DIP2C: variants seen among roughly 807,000 people sequenced by gnomAD.
The protein encoded by DIP2C is DIP2 acetate--CoA ligase C (putative), also known as disco-interacting protein 2 homolog C.
DIP2C carries 33 observed loss-of-function variants against 192.4 expected under a neutral mutation model. That is an observed-to-expected ratio of 0.17 (90% confidence interval 0.13 to 0.23). The LOEUF is 0.23. Ranked by LOEUF, DIP2C falls within the 10% of genes least tolerant of loss-of-function variation. The pLI is 1.00. For synonymous variants in DIP2C, 979 were observed against 864.1 expected, an observed-to-expected ratio of 1.13 and a Z score of -2.33; for missense variants, 1,537 against 2,110.1, an observed-to-expected ratio of 0.73 and a Z score of 5.32.
chr10:366,326 C>A lies in DIP2C; in HGVS notation c.2217G>T (p.Ala739=). Residue 739 remains alanine (A), a synonymous_variant, in exon 19 of 37, where the codon GCG becomes GCT. Transcript: ENST00000280886. ...AGAGGCCATAGTAGGACGTGCCCGTCGCAACTGCACACACACACAGCTCCC... is the reference window on the plus strand; with the variant it reads ...AGAGGCCATAGTAGGACGTGCCCGTAGCAACTGCACACACACACAGCTCCC... The part of the protein sequence containing the change: ...EIGELCVCAV[A]TGTSYYGLSG... 7 of 1,614,064 alleles carry A rather than the reference C, an allele frequency of 4.3e-6. No individual in the cohort carries two copies. The highest frequency in any genetic ancestry group is 5.9e-6 in the Non-Finnish European group (7 of 1,179,986).
rs559192148 is a variant in DIP2C at position 371,300 on chromosome 10, G to A, written c.1992-1667C>T. ...TGGGTTGAATCGTGTCCCCGCAAAA[G>A]ATCACCCCTTGTATCTGTGAGCTTA... On this transcript the variant is annotated intron_variant, in intron 17 of 36. Transcript: ENST00000280886. Among the ~76,000 whole-genome samples, 2 of 152,134 alleles carry A rather than the reference G, an allele frequency of 1.3e-5. 1 individual carries two copies. The highest frequency in any genetic ancestry group is 4.1e-4 in the South Asian group (2 of 4,822).
At chr10:417,289 C>A (rs1391904090) in intron 6 of DIP2C, among the ~76,000 whole-genome samples, 1 of 152,154 alleles carries the variant, frequency 6.6e-6, no homozygotes, top group Non-Finnish European at 1.5e-5. Flanking sequence ...CTGTGGGATT[C>A]TGGTGTGGGA....
intron 1 of DIP2C, among the ~76,000 whole-genome samples, chr10:600,189 G>C (rs892325062): frequency 6.6e-6 from 1 of 152,150 alleles, no homozygotes; most frequent in African/African-American, 2.4e-5. Context: ...ATTTGGTTAC[G>C]ACCGGCAGAG....
At chr10:541,297 T>A (rs1322460291) in intron 1 of DIP2C, among the ~76,000 whole-genome samples, 1 of 152,024 alleles carries the variant, frequency 6.6e-6, no homozygotes, top group Non-Finnish European at 1.5e-5. Flanking sequence ...AGTGCACAGG[T>A]TAAATGTCAA....
intron 22 of DIP2C, among the ~76,000 whole-genome samples, chr10:361,839 CCAACAGAAGGCCACG>C (rs1959556766): frequency 6.6e-6 from 1 of 152,108 alleles, no homozygotes; most frequent in Admixed American, 6.6e-5. Context: ...TGAGCGGCTC[CCAACAGAAGGCCACG>C]CACCCACAGA....
At chr10:388,472 A>C (rs2132933914) in intron 13 of DIP2C, among the ~76,000 whole-genome samples, 1 of 152,302 alleles carries the variant, frequency 6.6e-6, no homozygotes, top group South Asian at 2.1e-4. Context: ...TCCCCTTCCA[A>C]AGGCTAAAGT....
chr10:479,914 C>CG (rs1843464802), intron 2 of DIP2C, among the ~76,000 whole-genome samples: 1 of 150,540 alleles, frequency 6.6e-6, no homozygotes, highest in Admixed American at 6.6e-5. Flanking sequence ...GCCTGAGCTC[C>CG]GGTCCATGCT....
chr10:507,809 A>G (rs1845725498), intron 1 of DIP2C, among the ~76,000 whole-genome samples: 1 of 152,208 alleles, frequency 6.6e-6, no homozygotes, highest in African/African-American at 2.4e-5. Flanking sequence ...CCTGAGCACA[A>G]TCAGAGGCTG....
intron 9 of DIP2C, among the ~76,000 whole-genome samples, chr10:405,511 A>C (rs1964739306): frequency 6.6e-6 from 1 of 152,210 alleles, no homozygotes; most frequent in Non-Finnish European, 1.5e-5. Context: ...ATTTTTTTGC[A>C]ATTTGTTTTA....
chr10:348,844 T>C, intron 25 of DIP2C, 82 bp from the exon 26 acceptor site: 1 of 1,563,488 alleles, frequency 6.4e-7, no homozygotes, highest in Non-Finnish European at 8.6e-7. Flanking sequence ...AATGCTTGTC[T>C]GGGGCAAGTT....
chr10:426,691 A>C lies in DIP2C; in HGVS notation c.395-3658T>G, dbSNP rs374520381. 5.4e-4 allele frequency among the ~76,000 whole-genome samples: 83 copies of C among 152,356 alleles called. 1 individual carries two copies. In the South Asian group the frequency reaches 0.017, roughly 30 times the overall value. ...GGAACAGAATTAAACCCAGAAATAA[A>C]GTCTTATATTTACGGTCAATTTATT... On this transcript the variant is annotated intron_variant, in intron 4 of 36. Transcript: ENST00000280886.
chr10:303,305 C>T (rs989105928), intron 32 of DIP2C, among the ~76,000 whole-genome samples: 20 of 152,278 alleles, frequency 1.3e-4, no homozygotes, highest in African/African-American at 4.3e-4. Context: ...CATCACCGCA[C>T]GTGGCTGTAG....
At chr10:425,517 AGAT>A (rs1333797388) in intron 4 of DIP2C, among the ~76,000 whole-genome samples, 4 of 130,080 alleles carry the variant, frequency 3.1e-5, no homozygotes, top group South Asian at 2.4e-4. Flanking sequence ...AATATGACAC[AGAT>A]GATACAGCAT....
intron 1 of DIP2C, chr10:668,422 C>G (rs532080511): frequency 6.6e-6 from 1 of 152,064 alleles, no homozygotes; most frequent in South Asian, 2.1e-4. Context: ...AACATACAAC[C>G]CATACAACAT....
At chr10:419,040 A>T in intron 6 of DIP2C, 25 bp downstream of exon 6, 1 of 1,614,152 alleles carries the variant, frequency 6.2e-7, no homozygotes, top group South Asian at 1.1e-5. Flanking sequence ...ACCAGAAAAA[A>T]ACGCATCTCT....
At chr10:511,997 G>A (rs1020905301) in intron 1 of DIP2C, among the ~76,000 whole-genome samples, 1 of 152,104 alleles carries the variant, frequency 6.6e-6, no homozygotes, top group South Asian at 2.1e-4. Context: ...CGGTAAAAGC[G>A]TGAGCACCAC....
At chr10:446,167 A>G (rs1006248766) in intron 3 of DIP2C, among the ~76,000 whole-genome samples, 8 of 136,408 alleles carry the variant, frequency 5.9e-5, no homozygotes, top group African/African-American at 2.0e-4. Context: ...GCATCTATAT[A>G]CATCTGTTGC....
In DIP2C at chr10:371,624, C is replaced by T. The variant is rs148351685; in HGVS notation, c.1992-1991G>A. On this transcript the variant is annotated intron_variant, in intron 17 of 36. Transcript: ENST00000280886. ...GGCTGGGGTGAGGCCCAGGGCGGAT[C>T]GCTGAGCAGAGCAGCACCCGAGGGA... 1.4e-3 allele frequency among the ~76,000 whole-genome samples: 166 copies of T among 122,490 alleles called. No homozygotes were observed. The East Asian group carries it at 0.016, about 12-fold the overall frequency. The allele number at this position is 122,490 out of a possible 152,430, so 80.4% of individuals were successfully genotyped here.
At chr10:662,980 T>C (rs1198941512) in intron 1 of DIP2C, 2 of 715,776 alleles carry the variant, frequency 2.8e-6, no homozygotes, top group Non-Finnish European at 5.2e-6. Flanking sequence ...TGCTGATTGG[T>C]TTTATCTGAA....
Sources: gnomAD v4.1 joint callset for allele counts (sites outside exome capture counted in the v4.1 genomes callset) on GRCh38, gnomAD v4.1.1 for gene constraint, MANE v1.5 for transcripts, NCBI Gene and HGNC (gene_info 2026-07-23, HGNC 2026-07-21) for gene names.